E2F5: variants seen among roughly 807,000 people sequenced by gnomAD.
The protein encoded by E2F5 is E2F transcription factor 5, also known as transcription factor E2F5.
Under a neutral mutation model 39.1 loss-of-function variants are expected in E2F5, and 23 were observed. The ratio of observed to expected loss-of-function variants is 0.59; its 90% CI spans 0.42 to 0.83. The LOEUF (loss-of-function observed/expected upper bound fraction) is 0.83. E2F5 is among the 40% of genes least tolerant of loss of function. The probability of loss-of-function intolerance (pLI) is 0.00; values close to 1 mark genes in which losing one functional copy is unlikely to be tolerated. For missense variants in E2F5, 365 were observed against 406.7 expected (o/e 0.90, Z 0.88); for synonymous variants, 145 against 157.8 (o/e 0.92, Z 0.61).
chr8:85,199,696 C>G (rs946032371), intron 1 of E2F5, among the ~76,000 whole-genome samples: 17 of 152,306 alleles, frequency 1.1e-4, no homozygotes, highest in African/African-American at 3.8e-4. Flanking sequence ...CAATCTTAAA[C>G]ACAGTCTTAC....
At chr8:85,187,450 T>C (rs1235515018) in intron 1 of E2F5, among the ~76,000 whole-genome samples, 1 of 152,188 alleles carries the variant, frequency 6.6e-6, no homozygotes, top group Non-Finnish European at 1.5e-5. Flanking sequence ...TAATGTTTTC[T>C]TTATATATTT....
intron 1 of E2F5, among the ~76,000 whole-genome samples, chr8:85,190,331 AGTT>A (rs1374222749): frequency 6.6e-6 from 1 of 151,052 alleles, no homozygotes; most frequent in African/African-American, 2.4e-5. Context: ...GTCTGGTCTT[AGTT>A]TTTTTTTTTC....
At chr8:85,184,029 C>A (rs1443679925) in intron 1 of E2F5, among the ~76,000 whole-genome samples, 2 of 151,826 alleles carry the variant, frequency 1.3e-5, no homozygotes, top group African/African-American at 4.8e-5. Flanking sequence ...ATCTGTAAGC[C>A]AAGGAGCGAG....
Position 85,214,476 on chromosome 8 carries a change from C to G in E2F5, c.*614C>G, listed in dbSNP as rs191018956. 4.4e-5 allele frequency: 42 copies of G among 948,514 alleles called. No individual in the cohort carries two copies. The highest frequency in any genetic ancestry group is 6.9e-5 in the Non-Finnish European group (41 of 593,546). 58.8% of individuals were successfully genotyped at this position (948,514 alleles called of 1,614,324 possible). A position where few individuals can be genotyped will look rare whatever the true frequency, so the allele number is the denominator to read the frequency against. On this transcript the variant is annotated 3_prime_UTR_variant, in exon 8 of 8. Transcript: ENST00000416274. ...TTTTTAAAATGTGCCAATGCCTGTACATTAACAAGATTTTTAAAAATAAAA... is the reference window on the plus strand; with the variant it reads ...TTTTTAAAATGTGCCAATGCCTGTAGATTAACAAGATTTTTAAAAATAAAA...
At chr8:85,213,551 A>AAAAAAG (rs1554684742) in intron 7 of E2F5, 8 of 273,254 alleles carry the variant, frequency 2.9e-5, no homozygotes, top group South Asian at 6.0e-5. Context: ...TTAAAAAAAA[A>AAAAAAG]AAAAAAAAAA....
intron 3 of E2F5, among the ~76,000 whole-genome samples, chr8:85,204,504 G>A (rs1812760384): frequency 7.4e-6 from 1 of 135,194 alleles, no homozygotes; most frequent in Non-Finnish European, 1.5e-5. Context: ...AGAACACATG[G>A]ACACAGGAAG....
chr8:85,183,983 G>A (rs1812274547), intron 1 of E2F5, among the ~76,000 whole-genome samples: 1 of 152,040 alleles, frequency 6.6e-6, no homozygotes, highest in Non-Finnish European at 1.5e-5. Flanking sequence ...GCCACCCAGA[G>A]GAAAGACCAT....
intron 1 of E2F5, among the ~76,000 whole-genome samples, chr8:85,191,680 C>T (rs1457839479): frequency 6.6e-6 from 1 of 152,184 alleles, no homozygotes; most frequent in African/African-American, 2.4e-5. Context: ...TCTCCTTAAT[C>T]TGAAGTGACT....
intron 1 of E2F5, among the ~76,000 whole-genome samples, chr8:85,188,150 G>C (rs574588553): frequency 6.6e-6 from 1 of 152,120 alleles, no homozygotes; most frequent in South Asian, 2.1e-4. Context: ...AAAAATTATT[G>C]CAGCTACTAT....
At chr8:85,195,435 C>T (rs545479938) in intron 1 of E2F5, among the ~76,000 whole-genome samples, 1 of 152,218 alleles carries the variant, frequency 6.6e-6, no homozygotes, top group African/African-American at 2.4e-5. Context: ...CAGATTCACA[C>T]TTAATCTTTC....
chr8:85,212,247 T>G (rs1812947243), intron 7 of E2F5, 43 bp downstream of exon 7: 4 of 1,347,262 alleles, frequency 3.0e-6, no homozygotes, highest in Non-Finnish European at 4.2e-6. Context: ...TCAGTAATGC[T>G]TCTGTGGAAT....
At chr8:85,182,105 A>G (rs1371228310) in intron 1 of E2F5, among the ~76,000 whole-genome samples, 1 of 152,198 alleles carries the variant, frequency 6.6e-6, no homozygotes, top group Non-Finnish European at 1.5e-5. Context: ...CACCTACACC[A>G]TATAGTCTCA....
intron 1 of E2F5, among the ~76,000 whole-genome samples, chr8:85,188,811 T>G (rs374224885): frequency 6.6e-6 from 1 of 152,204 alleles, no homozygotes; most frequent in African/African-American, 2.4e-5. Flanking sequence ...GCATTGGAGC[T>G]AAAGGTATGG....
In E2F5 at chr8:85,214,507, T is replaced by C; in HGVS notation, c.*645T>C. 8.3e-7 allele frequency: 1 copy of C among 1,208,928 alleles called. No homozygotes were observed. Among genetic ancestry groups the C allele is most frequent in the Non-Finnish European group, 1.2e-6 (1 of 824,490 alleles). 74.9% of individuals were successfully genotyped at this position (1,208,928 alleles called of 1,614,324 possible). A position where few individuals can be genotyped will look rare whatever the true frequency, so the allele number is the denominator to read the frequency against. On this transcript the variant is annotated 3_prime_UTR_variant, in exon 8 of 8. Coordinates refer to ENST00000416274, the MANE Select transcript of E2F5 (RefSeq NM_001951.4). Reference sequence around the variant, plus strand: ...CAAGATTTTTAAAAATAAAATTGTATAAAACATTCAATTTATTGGTCTTTG... The same window carrying C: ...CAAGATTTTTAAAAATAAAATTGTACAAAACATTCAATTTATTGGTCTTTG...
chr8:85,177,705 G>C, intron 1 of E2F5, 51 bp downstream of exon 1: 2 of 1,215,872 alleles, frequency 1.6e-6, no homozygotes, highest in Non-Finnish European at 2.1e-6. Context: ...CGTGGCCCCC[G>C]GGGAAGCCCA....
rs1409243671 is a variant in E2F5 at position 85,209,280 on chromosome 8, C to G, written c.754C>G (p.Pro252Ala). The G allele has an allele frequency of 1.2e-5, 19 of 1,613,876 alleles. 1 individual carries two copies. The highest frequency in any genetic ancestry group is 1.6e-4 in the Middle Eastern group (1 of 6,084). ...PVPPPDDLTQ[P>A]SSQSLTPVTP... ...TCCCCCACCTGATGACCTCACACAG[C>G]CTTCCTCCCAGTCCTTGACTCCAGT... Residue 252 changes from proline (P) to alanine (A), a missense_variant, in exon 6 of 8, where the codon CCT (proline) becomes GCT (alanine). Pro to Ala is a conservative substitution (Grantham distance 27, BLOSUM62 -1). Coordinates refer to ENST00000416274, the MANE Select transcript of E2F5 (RefSeq NM_001951.4).
intron 4 of E2F5, among the ~76,000 whole-genome samples, chr8:85,206,813 T>G (rs1812811052): frequency 6.6e-6 from 1 of 152,204 alleles, no homozygotes. Context: ...TTGTGCATAT[T>G]TAAATTTATG....
intron 1 of E2F5, among the ~76,000 whole-genome samples, chr8:85,198,356 A>G (rs919583388): frequency 6.6e-6 from 1 of 151,894 alleles, no homozygotes; most frequent in Non-Finnish European, 1.5e-5. Context: ...AAAAAAAAAA[A>G]CTTCCTGGAG....
intron 3 of E2F5, among the ~76,000 whole-genome samples, chr8:85,204,376 C>T (rs558348614): frequency 3.3e-5 from 5 of 152,122 alleles, no homozygotes; most frequent in South Asian, 4.2e-4. Flanking sequence ...ACAGCATGGG[C>T]TCATGTCCTT....
Sources: gnomAD v4.1 joint callset for allele counts (sites outside exome capture counted in the v4.1 genomes callset) on GRCh38, gnomAD v4.1.1 for gene constraint, MANE v1.5 for transcripts, NCBI Gene and HGNC (gene_info 2026-07-23, HGNC 2026-07-21) for gene names.